Variants in NLRP14 observed in about 807,000 individuals in gnomAD.
The protein encoded by NLRP14 is NACHT, LRR and PYD domains-containing protein 14.
NLRP14 carries 105 observed loss-of-function variants against 94.7 expected under a neutral mutation model. The ratio of observed to expected loss-of-function variants is 1.11; its 90% CI spans 0.95 to 1.30. The LOEUF (loss-of-function observed/expected upper bound fraction) is 1.30. Ranked by LOEUF, NLRP14 falls within the 50% of genes most tolerant of loss-of-function variation. The pLI is 0.00. For synonymous variants in NLRP14, 508 were observed against 459.9 expected (o/e 1.10, Z -1.34); for missense variants, 1,362 against 1,254.1 (o/e 1.09, Z -1.30).
intron 2 of NLRP14, among the ~76,000 whole-genome samples, 169 bp downstream of exon 2, chr11:7,039,044 G>C (rs530159929): frequency 6.7e-4 from 102 of 152,174 alleles, no homozygotes; most frequent in Non-Finnish European, 1.3e-3. Flanking sequence ...AGGAAGGAAA[G>C]GCAGAAGCGT....
chr11:7,060,265 T>A (rs1852595969), intron 9 of NLRP14, among the ~76,000 whole-genome samples: 1 of 151,952 alleles, frequency 6.6e-6, no homozygotes, highest in Non-Finnish European at 1.5e-5. Flanking sequence ...TCTAATAAAC[T>A]TTCCTCAGGT....
the NLRP14 span, among the ~76,000 whole-genome samples, chr11:7,088,709 T>TG: frequency 1.3e-5 from 2 of 152,204 alleles, no homozygotes; most frequent in African/African-American, 4.8e-5. Context: ...AAATTCATAC[T>TG]ATTTTTTTCT....
chr11:7,072,493 A>G (rs1319234257), downstream of NLRP14, among the ~76,000 whole-genome samples: 1 of 152,224 alleles, frequency 6.6e-6, no homozygotes, highest in Non-Finnish European at 1.5e-5. Context: ...GAGAGATTCA[A>G]GTGTCTCTCT....
Position 7,032,442 on chromosome 11 carries a change from A to AC in NLRP14, c.-21-6124_-21-6123insC, listed in dbSNP as rs1554954648. On this transcript the variant is annotated intron_variant, in intron 1 of 11. Coordinates refer to ENST00000299481, the MANE Select transcript of NLRP14 (RefSeq NM_176822.4). ...CAAAACTTTCTTTTCTGTATTTAGG[A>AC]TTTTTTTTTCAGTGGATGATTTCCC... Among the ~76,000 whole-genome samples the AC allele has an allele frequency of 1.3e-3, 191 of 151,608 alleles. 4 individuals carry two copies. In the South Asian group the frequency reaches 0.039, roughly 31 times the overall value.
At chr11:7,039,885 T>C (rs1390836966) in intron 3 of NLRP14, 100 bp downstream of exon 3, 1 of 928,240 alleles carries the variant, frequency 1.1e-6, no homozygotes, top group African/African-American at 1.6e-5. Context: ...TCTTGTTAAC[T>C]TCTTCTAATA....
intron 1 of NLRP14, among the ~76,000 whole-genome samples, chr11:7,026,447 C>T (rs1260662285): frequency 6.6e-6 from 1 of 152,042 alleles, no homozygotes; most frequent in Non-Finnish European, 1.5e-5. Flanking sequence ...AAATCAAAAC[C>T]ACAGTGAGAT....
At position 7,071,221 on chromosome 11, in the gene NLRP14, T is replaced by C; in HGVS notation, c.3195T>C (p.Ala1065=). 6.2e-7 allele frequency: 1 copy of C among 1,613,890 alleles called. No individual in the cohort carries two copies. Among genetic ancestry groups the C allele is most frequent in the African/African-American group, 1.3e-5 (1 of 75,012 alleles). Residue 1065 remains alanine (A), a synonymous_variant, in exon 12 of 12, where the codon GCT becomes GCC. Coordinates refer to ENST00000299481, the MANE Select transcript of NLRP14 (RefSeq NM_176822.4). ...AGGAAGCCCAGAAGCTGCTGGAAGCTGTGGGAGTTAGCAATCCACACTTAA... is the reference window on the plus strand; with the variant it reads ...AGGAAGCCCAGAAGCTGCTGGAAGCCGTGGGAGTTAGCAATCCACACTTAA... The part of the protein sequence containing the change: ...FDEEAQKLLE[A]VGVSNPHLII...
rs145870274 is a variant in NLRP14, at chr11:7,057,833, T to C, written c.2448T>C (p.Tyr816=). 49 of 1,612,148 alleles carry C rather than the reference T, an allele frequency of 3.0e-5. No individual in the cohort carries two copies. In the African/African-American group the frequency reaches 6.0e-4, roughly 20 times the overall value. Residue 816 remains tyrosine (Y), a synonymous_variant, in exon 7 of 12, where the codon TAT becomes TAC. Transcript: ENST00000299481. ...LCEALRHPKC[Y]LERLSLESCG... ...AGGCCTTAAGACATCCAAAGTGTTA[T>C]CTAGAGAGACTGTCGTGAGTGTTTC...
intron 3 of NLRP14, 47 bp from the exon 4 acceptor site, chr11:7,042,341 T>C: frequency 6.6e-7 from 1 of 1,509,338 alleles, no homozygotes; most frequent in Non-Finnish European, 9.2e-7. Flanking sequence ...TTTGTTTTGA[T>C]CATGTGTCTT....
At chr11:7,060,153 A>C in intron 9 of NLRP14, 89 bp downstream of exon 9, 1 of 1,174,620 alleles carries the variant, frequency 8.5e-7, no homozygotes. Flanking sequence ...CCGAGCATCT[A>C]TCAGAGAAAA....
At chr11:7,087,086 A>G in the NLRP14 span, among the ~76,000 whole-genome samples, 1 of 152,158 alleles carries the variant, frequency 6.6e-6, no homozygotes, top group East Asian at 1.9e-4. Flanking sequence ...CTTTGTTCTA[A>G]ATATCTTCCT....
chr11:7,047,754 C>CT (rs1358420046), intron 5 of NLRP14, among the ~76,000 whole-genome samples: 4 of 120,826 alleles, frequency 3.3e-5, no homozygotes, highest in South Asian at 3.1e-4. Context: ...TCTTCTTTCT[C>CT]TTTCTTTTCT....
the NLRP14 span, among the ~76,000 whole-genome samples, chr11:7,082,933 T>C: frequency 6.6e-6 from 1 of 152,240 alleles, no homozygotes; most frequent in African/African-American, 2.4e-5. Context: ...CTGTAGGAAT[T>C]CTGACATAAA....
Position 7,038,827 on chromosome 11 carries a change from A to G in NLRP14, c.241A>G (p.Lys81Glu), listed in dbSNP as rs759010406. 3 of 1,613,110 alleles carry G rather than the reference A, an allele frequency of 1.9e-6. No homozygotes were observed. The Admixed American group carries it at 5.0e-5, about 27-fold the overall frequency. ...AWSVSLKIFGKMNLKDLCERA... is the reference protein window; with the variant it reads ...AWSVSLKIFGEMNLKDLCERA... The stretch of plus-strand genomic sequence containing the variant: ...GAGTGTGTCTCTCAAAATCTTTGGC[A>G]AGATGAACCTGAAGGATCTGTGTGA... Residue 81 changes from lysine (K) to glutamate (E), a missense_variant, in exon 2 of 12, where the codon AAG (lysine) becomes GAG (glutamate). By Grantham distance (56) the Lys-to-Glu change is moderately conservative. Transcript: ENST00000299481.
intron 10 of NLRP14, among the ~76,000 whole-genome samples, chr11:7,068,292 G>A (rs1852737662): frequency 6.6e-6 from 1 of 151,796 alleles, no homozygotes. Flanking sequence ...CTAAATTCTT[G>A]AGTTGTATGC....
chr11:7,030,797 G>T (rs1565010657), intron 1 of NLRP14, among the ~76,000 whole-genome samples: 1 of 152,102 alleles, frequency 6.6e-6, no homozygotes, highest in Non-Finnish European at 1.5e-5. Flanking sequence ...TCTGGGAAAG[G>T]TCCTTCAAAG....
chr11:7,051,501 A>G (rs937558800), intron 6 of NLRP14, among the ~76,000 whole-genome samples: 3 of 152,168 alleles, frequency 2.0e-5, no homozygotes, highest in Non-Finnish European at 2.9e-5. Context: ...GCAACATATG[A>G]TCCCCAGTGA....
At chr11:7,085,787 ATTGT>A in the NLRP14 span, among the ~76,000 whole-genome samples, 1 of 152,180 alleles carries the variant, frequency 6.6e-6, no homozygotes, top group African/African-American at 2.4e-5. Context: ...TTTATAAGGT[ATTGT>A]TTATGAAATA....
chr11:7,068,656 T>A (rs1852744187), intron 10 of NLRP14, among the ~76,000 whole-genome samples: 1 of 152,138 alleles, frequency 6.6e-6, no homozygotes, highest in Admixed American at 6.5e-5. Flanking sequence ...TATTTCTAAT[T>A]TAATTTATAT....
Sources: gnomAD v4.1 joint callset for allele counts (sites outside exome capture counted in the v4.1 genomes callset) on GRCh38, gnomAD v4.1.1 for gene constraint, MANE v1.5 for transcripts, NCBI Gene and HGNC (gene_info 2026-07-23, HGNC 2026-07-21) for gene names.